The following PPP2R2C variants were observed in gnomAD, a reference collection of about 807,000 sequenced individuals.
PPP2R2C encodes the protein protein phosphatase 2, regulatory subunit B, gamma.
Under a neutral mutation model 45.3 loss-of-function variants are expected in PPP2R2C, and 10 were observed. That is an observed-to-expected ratio of 0.22 (90% confidence interval 0.14 to 0.37). The LOEUF is 0.37. Among genes scored for constraint, PPP2R2C ranks in the 10% least tolerant of loss-of-function variants. The pLI is 1.00. For synonymous variants in PPP2R2C, 257 were observed against 245.4 expected, an observed-to-expected ratio of 1.05 and a Z score of -0.44; for missense variants, 308 against 619.7, an observed-to-expected ratio of 0.50 and a Z score of 5.34.
intron 2 of PPP2R2C, among the ~76,000 whole-genome samples, chr4:6,520,099 C>G (rs531078825): frequency 1.0e-3 from 153 of 152,198 alleles, no homozygotes; most frequent in African/African-American, 3.6e-3. Flanking sequence ...GGGACAGGAT[C>G]AGATTCATAG....
At chr4:6,528,479 G>T (rs1016412727) in intron 2 of PPP2R2C, among the ~76,000 whole-genome samples, 1 of 152,082 alleles carries the variant, frequency 6.6e-6, no homozygotes, top group Non-Finnish European at 1.5e-5. Context: ...TCCTCCACTC[G>T]ACCCAAACTG....
intron 5 of PPP2R2C, among the ~76,000 whole-genome samples, chr4:6,363,944 C>T (rs778477164): frequency 6.6e-6 from 1 of 152,152 alleles, no homozygotes; most frequent in Non-Finnish European, 1.5e-5. Flanking sequence ...CTAAGGAGGC[C>T]GGGGTCCTCC....
intron 1 of PPP2R2C, among the ~76,000 whole-genome samples, chr4:6,389,999 C>T (rs1296042020): frequency 6.6e-6 from 1 of 152,144 alleles, no homozygotes; most frequent in Non-Finnish European, 1.5e-5. Flanking sequence ...AGACGCCCCA[C>T]CCACGTCTAT....
chr4:6,383,149 A>C (rs73078743), intron 1 of PPP2R2C: 113,520 of 1,160,250 alleles, frequency 0.098, 5,962 homozygotes, highest in African/African-American at 0.16. Context: ...GGTTGCCATC[A>C]ACGCCTCTGG....
chr4:6,547,690 G>A (rs1725035375), intron 1 of PPP2R2C, among the ~76,000 whole-genome samples: 1 of 152,184 alleles, frequency 6.6e-6, no homozygotes, highest in Admixed American at 6.5e-5. Context: ...CCCAGCGTCT[G>A]CAATGGGCCT....
At chr4:6,415,369 C>G (rs1718505923) in intron 1 of PPP2R2C, among the ~76,000 whole-genome samples, 1 of 152,254 alleles carries the variant, frequency 6.6e-6, no homozygotes, top group African/African-American at 2.4e-5. Flanking sequence ...GCTTGCTTCA[C>G]TGTTTCTGCT....
intron 1 of PPP2R2C, chr4:6,555,722 A>G (rs1725378047): frequency 6.6e-6 from 1 of 152,284 alleles, no homozygotes; most frequent in Non-Finnish European, 1.5e-5. Flanking sequence ...GGAATTCCAC[A>G]ATGACACTGC....
chr4:6,498,752 G>A (rs1290663196), intron 2 of PPP2R2C, among the ~76,000 whole-genome samples: 1 of 152,144 alleles, frequency 6.6e-6, no homozygotes, highest in African/African-American at 2.4e-5. Flanking sequence ...CTGTGCTAGG[G>A]CCTGCACGGG....
At chr4:6,449,706 C>T (rs986904317) in intron 1 of PPP2R2C, among the ~76,000 whole-genome samples, 14 of 152,336 alleles carry the variant, frequency 9.2e-5, no homozygotes, top group African/African-American at 3.4e-4. Context: ...TGCCTGCCAC[C>T]CTGGTCCCTG....
In PPP2R2C at chr4:6,471,157, C is replaced by G. The variant is rs1721855322; in HGVS notation, c.70+1003G>C. 6.6e-6 allele frequency among the ~76,000 whole-genome samples: 1 copy of G among 152,218 alleles called. No individual in the cohort carries two copies. Among genetic ancestry groups the G allele is most frequent in the Non-Finnish European group, 1.5e-5 (1 of 68,016 alleles). On this transcript the variant is annotated intron_variant, in intron 1 of 8. Transcript: ENST00000382599. The surrounding 1 kb of genome is among the most constrained non-coding windows in gnomAD (Gnocchi z 5.6). ...GGACCCGTGCCCAGGGCCCCTCCCACTGGGGCACCCACCCGGGGAATCCGC... is the reference window on the plus strand; with the variant it reads ...GGACCCGTGCCCAGGGCCCCTCCCAGTGGGGCACCCACCCGGGGAATCCGC...
intron 1 of PPP2R2C, among the ~76,000 whole-genome samples, chr4:6,432,297 A>G (rs919023076): frequency 1.3e-5 from 2 of 152,190 alleles, no homozygotes; most frequent in Non-Finnish European, 2.9e-5. Flanking sequence ...AACAAGTCGG[A>G]GGAGGCCACA....
rs567394005 is a variant in PPP2R2C, at chr4:6,397,644, G to A, written c.71-16550C>T. 3.3e-5 allele frequency among the ~76,000 whole-genome samples: 5 copies of A among 152,282 alleles called. No individual in the cohort carries two copies. In the South Asian group the frequency reaches 1.0e-3, roughly 32 times the overall value. On this transcript the variant is annotated intron_variant, in intron 1 of 8. Coordinates refer to ENST00000382599, the MANE Select transcript of PPP2R2C (RefSeq NM_020416.4). ...CAGTGCAGCCTGCCTAGAGGCTAAGGGCAAGTGCAGCTGCCAGACCTACCA... is the reference window on the plus strand; with the variant it reads ...CAGTGCAGCCTGCCTAGAGGCTAAGAGCAAGTGCAGCTGCCAGACCTACCA...
At chr4:6,416,024 C>A (rs1718555513) in intron 1 of PPP2R2C, among the ~76,000 whole-genome samples, 1 of 152,194 alleles carries the variant, frequency 6.6e-6, no homozygotes, top group African/African-American at 2.4e-5. Context: ...ATTTTTTATC[C>A]CAAGTTCCTA....
At chr4:6,341,753 G>A (rs1282342762) in intron 6 of PPP2R2C, among the ~76,000 whole-genome samples, 2 of 152,176 alleles carry the variant, frequency 1.3e-5, no homozygotes, top group African/African-American at 4.8e-5. Context: ...GATGATGGAA[G>A]CAGAGGTTGG....
At chr4:6,365,142 G>T (rs1714172709) in intron 5 of PPP2R2C, among the ~76,000 whole-genome samples, 1 of 152,198 alleles carries the variant, frequency 6.6e-6, no homozygotes, top group Non-Finnish European at 1.5e-5. Flanking sequence ...GACCCTGTCT[G>T]CTTCCCTAGC....
In PPP2R2C at chr4:6,369,094, G is replaced by A. The variant is rs560952940; in HGVS notation, c.625+3429C>T. On this transcript the variant is annotated intron_variant, in intron 5 of 8. Transcript: ENST00000382599. ...TCTTTTCAGAGAGAACCAGCTTCAG[G>A]GTCTAAGGGCAACCTGGAGAGAGGC... Among the ~76,000 whole-genome samples the A allele has an allele frequency of 1.8e-3, 279 of 152,330 alleles. 1 individual carries two copies. Among genetic ancestry groups the A allele is most frequent in the African/African-American group, 6.0e-3 (251 of 41,566 alleles).
At chr4:6,539,077 G>T (rs62286152) in intron 1 of PPP2R2C, among the ~76,000 whole-genome samples, 16,289 of 151,830 alleles carry the variant, frequency 0.11, 1,145 homozygotes, top group Non-Finnish European at 0.17. Context: ...AGTTGCAGAT[G>T]AAATGCATTG....
At chr4:6,398,482 T>C (rs763496246) in intron 1 of PPP2R2C, among the ~76,000 whole-genome samples, 1 of 151,900 alleles carries the variant, frequency 6.6e-6, no homozygotes, top group Non-Finnish European at 1.5e-5. Context: ...ACAAGAATGG[T>C]CAGGAAGCAC....
chr4:6,483,029 A>C (rs1045830533), intron 2 of PPP2R2C, among the ~76,000 whole-genome samples: 4 of 152,124 alleles, frequency 2.6e-5, no homozygotes, highest in African/African-American at 9.7e-5. Flanking sequence ...AAAGAAGTAA[A>C]TTAAGTTAAC....
Sources: allele counts gnomAD v4.1 joint callset (sites outside exome capture counted in the v4.1 genomes callset), GRCh38; gene constraint gnomAD v4.1.1; non-coding constraint Gnocchi (gnomAD v3.1); transcripts MANE v1.5; gene names NCBI Gene and HGNC (gene_info 2026-07-23, HGNC 2026-07-21).